The following IRGC variants were observed in gnomAD, a reference collection of about 807,000 sequenced individuals.
IRGC encodes the protein immunity related GTPase cinema.
A neutral mutation model predicts 16.1 loss-of-function variants in IRGC; 4 were observed. The ratio of observed to expected loss-of-function variants is 0.25; its 90% confidence interval spans 0.12 to 0.57. The LOEUF (loss-of-function observed/expected upper bound fraction) is 0.57, where lower values mean the gene tolerates loss of function less well. Ranked by LOEUF, IRGC falls within the 20% of genes least tolerant of loss-of-function variation. The probability of loss-of-function intolerance (pLI) is 0.92; values close to 1 mark genes in which losing one functional copy is unlikely to be tolerated. For synonymous variants in IRGC, 307 were observed against 299.5 expected, an observed-to-expected ratio of 1.03 and a Z score of -0.26; for missense variants, 570 against 643.9, an observed-to-expected ratio of 0.89 and a Z score of 1.24.
chr19:43,716,802 A>G (rs1968176427), intron 1 of IRGC, among the ~76,000 whole-genome samples: 1 of 152,082 alleles, frequency 6.6e-6, no homozygotes, highest in Admixed American at 6.6e-5. Context: ...TGGGTGAAGG[A>G]GCCTGGGGAC....
Position 43,719,836 on chromosome 19 carries a change from G to A in IRGC, c.1278G>A (p.Gly426=), listed in dbSNP as rs1233087142. Residue 426 remains glycine (G), a synonymous_variant, in exon 2 of 2, where the codon GGG becomes GGA. Transcript: ENST00000244314. ...CCAGTGACAATGGCGTGGAAAAGGG[G>A]GGCTCCGGGGAGGGAGGTGGGGAGG... ...EVASDNGVEK[G]GSGEGGGEEA... is the part of the protein sequence containing the mutation. The A allele has an allele frequency of 2.5e-6, 4 of 1,614,056 alleles. No individual in the cohort carries two copies. The highest frequency in any genetic ancestry group is 2.5e-6 in the Non-Finnish European group (3 of 1,180,002).
Position 43,719,966 on chromosome 19 carries a change from C to T in IRGC, c.*16C>T, listed in dbSNP as rs770279903. On this transcript the variant is annotated 3_prime_UTR_variant, in exon 2 of 2. Transcript: ENST00000244314. ...AGAGAAATAAAGAGTGCAGCCCCGCCCCCCTGCCTCACCCACAAACTAAGT... is the reference window on the plus strand; with the variant it reads ...AGAGAAATAAAGAGTGCAGCCCCGCTCCCCTGCCTCACCCACAAACTAAGT... 1 of 1,611,088 alleles carries T rather than the reference C, an allele frequency of 6.2e-7. No individual in the cohort carries two copies. The highest frequency in any genetic ancestry group is 8.5e-7 in the Non-Finnish European group (1 of 1,179,476).
Position 43,719,926 on chromosome 19 carries a change from GA to G in IRGC, c.1371del (p.Lys457AsnfsTer23). ...LLKYILDSWK[K>X]HDSEEK Reference sequence around the variant, plus strand: ...TTAAGTACATTCTGGACAGCTGGAAGAAACACGACTCAGAAGAGAAATAAAG... The same window carrying G: ...TTAAGTACATTCTGGACAGCTGGAAGAACACGACTCAGAAGAGAAATAAAG... On this transcript the variant is annotated frameshift_variant, in exon 2 of 2. Transcript: ENST00000244314. LOFTEE classifies it high-confidence loss of function. 3 of 1,612,230 alleles carry G rather than the reference GA, an allele frequency of 1.9e-6. No individual in the cohort carries two copies. The highest frequency in any genetic ancestry group is 2.5e-6 in the Non-Finnish European group (3 of 1,179,534).
Position 43,719,107 on chromosome 19 carries a change from G to C in IRGC, c.549G>C (p.Ser183=), listed in dbSNP as rs375857702. 2.9e-5 allele frequency: 47 copies of C among 1,609,606 alleles called. 1 individual carries two copies. In the African/African-American group the frequency reaches 5.5e-4, roughly 19 times the overall value. ...CGGCCACGCGCACCCAGCGGCCGTCGGGCTTCAGAGAGGCCGCTGTCCTGC... is the reference window on the plus strand; with the variant it reads ...CGGCCACGCGCACCCAGCGGCCGTCCGGCTTCAGAGAGGCCGCTGTCCTGC... ...DLAATRTQRP[S]GFREAAVLQE... The change falls in exon 2 of 2, where the codon TCG becomes TCC. Residue 183 remains serine (S), a synonymous_variant. Coordinates refer to ENST00000244314, the MANE Select transcript of IRGC (RefSeq NM_019612.4).
At chr19:43,718,313 G>C in intron 1 of IRGC, 180 bp from the exon 2 acceptor site, 1 of 586,634 alleles carries the variant, frequency 1.7e-6, no homozygotes, top group South Asian at 4.1e-5. Context: ...AAAGGGATGT[G>C]AACCTGGGCC....
rs141857999 is a variant in IRGC at position 43,719,632 on chromosome 19, C to T, written c.1074C>T (p.Ala358=). The T allele has an allele frequency of 7.5e-6, 12 of 1,605,392 alleles. No individual in the cohort carries two copies. The highest frequency in any genetic ancestry group is 8.5e-6 in the Non-Finnish European group (10 of 1,179,938). Residue 358 remains alanine (A), a synonymous_variant, in exon 2 of 2, where the codon GCC becomes GCT. Transcript: ENST00000244314. ...SQSSDGAMRV[A]RAFERGIPVF... is the part of the protein sequence containing the mutation. ...CGTCCGACGGCGCCATGCGGGTGGC[C>T]CGCGCCTTTGAGAGGGGCATCCCTG...
In IRGC at chr19:43,718,542, C is replaced by G. The variant is rs1968207147; in HGVS notation, c.-17C>G. 1.3e-6 allele frequency: 2 copies of G among 1,551,790 alleles called. No individual in the cohort carries two copies. Among genetic ancestry groups the G allele is most frequent in the Admixed American group, 1.9e-5 (1 of 53,014 alleles). ...ACTCTCCCCTGTCCCCCGCCACCCT[C>G]TGAACCACTGGCCACCATGGCTACT... On this transcript the variant is annotated 5_prime_UTR_variant, in exon 2 of 2. Transcript: ENST00000244314.
At chr19:43,716,676 G>C (rs551928486) in intron 1 of IRGC, among the ~76,000 whole-genome samples, 1 of 152,186 alleles carries the variant, frequency 6.6e-6, no homozygotes, top group Non-Finnish European at 1.5e-5. Context: ...GTGGGGGGTG[G>C]AGTGGGGTAG....
chr19:43,719,804 G>C lies in IRGC; in HGVS notation c.1246G>C (p.Glu416Gln), dbSNP rs759219319. Residue 416 changes from glutamate (E) to glutamine (Q), a missense_variant, in exon 2 of 2, where the codon GAA becomes CAA. By Grantham distance (29) the Glu-to-Gln change is conservative. Coordinates refer to ENST00000244314, the MANE Select transcript of IRGC (RefSeq NM_019612.4). ...CGAGCCGCAGCCGGAGGTCAGCTTG[G>C]AAGTGGCCAGTGACAATGGCGTGGA... ...DDEPQPEVSL[E>Q]VASDNGVEKG... The C allele has an allele frequency of 1.9e-5, 31 of 1,613,940 alleles. No homozygotes were observed. The highest frequency in any genetic ancestry group is 2.5e-5 in the Non-Finnish European group (29 of 1,179,986).
rs140749862 is a variant in IRGC, at chr19:43,719,123, G to T, written c.565G>T (p.Ala189Ser). ...GCGGCCGTCGGGCTTCAGAGAGGCC[G>T]CTGTCCTGCAGGAGATCCGAGACCA... ...TQRPSGFREA[A>S]VLQEIRDHCA... Residue 189 changes from alanine (A) to serine (S), a missense_variant, in exon 2 of 2, where the codon GCT becomes TCT. Transcript: ENST00000244314. 12 of 1,610,348 alleles carry T rather than the reference G, an allele frequency of 7.5e-6. No homozygotes were observed. The highest frequency in any genetic ancestry group is 9.3e-6 in the Non-Finnish European group (11 of 1,178,786).
intron 1 of IRGC, among the ~76,000 whole-genome samples, chr19:43,717,740 C>T (rs547693612): frequency 2.6e-5 from 4 of 152,256 alleles, no homozygotes; most frequent in Non-Finnish European, 4.4e-5. Flanking sequence ...AGGCCCAGTA[C>T]GAAATGAAAA....
At position 43,718,508 on chromosome 19, in the gene IRGC, C is replaced by T; in HGVS notation, c.-51C>T. The stretch of plus-strand genomic sequence containing the variant: ...TCCTCTGCAGGCGCTGAGGATCACG[C>T]ATCCTGTGACTCTCCCCTGTCCCCC... On this transcript the variant is annotated 5_prime_UTR_variant, in exon 2 of 2. Transcript: ENST00000244314. 1 of 1,518,694 alleles carries T rather than the reference C, an allele frequency of 6.6e-7. No individual in the cohort carries two copies. The highest frequency in any genetic ancestry group is 8.8e-7 in the Non-Finnish European group (1 of 1,135,060). 94.1% of individuals were successfully genotyped at this position (1,518,694 alleles called of 1,614,324 possible).
Position 43,719,256 on chromosome 19 carries a change from A to G in IRGC, c.698A>G (p.Glu233Gly). 1 of 1,609,138 alleles carries G rather than the reference A, an allele frequency of 6.2e-7. No individual in the cohort carries two copies. The highest frequency in any genetic ancestry group is 8.5e-7 in the Non-Finnish European group (1 of 1,177,858). Residue 233 changes from glutamate (E) to glycine (G), a missense_variant, in exon 2 of 2, where the codon GAG becomes GGG. Physicochemically the swap from Glu to Gly is moderately conservative, Grantham distance 98. Transcript: ENST00000244314. Reference sequence around the variant, plus strand: ...TTTCCCACGCTGGTGTCCACCTGGGAGCACGACCTGCCCTCCCACCGGCGC... The same window carrying G: ...TTTCCCACGCTGGTGTCCACCTGGGGGCACGACCTGCCCTCCCACCGGCGC... ...YDFPTLVSTWEHDLPSHRRHA... is the reference protein window; with the variant it reads ...YDFPTLVSTWGHDLPSHRRHA...
At position 43,719,836 on chromosome 19, in the gene IRGC, G is replaced by T. The variant is rs1233087142; in HGVS notation, c.1278G>T (p.Gly426=). 2 of 1,614,056 alleles carry T rather than the reference G, an allele frequency of 1.2e-6. No individual in the cohort carries two copies. Among genetic ancestry groups the T allele is most frequent in the Admixed American group, 1.7e-5 (1 of 60,002 alleles). The change falls in exon 2 of 2, where the codon GGG becomes GGT. Residue 426 remains glycine (G), a synonymous_variant. Transcript: ENST00000244314. ...EVASDNGVEK[G]GSGEGGGEEA... is the part of the protein sequence containing the mutation. ...CCAGTGACAATGGCGTGGAAAAGGG[G>T]GGCTCCGGGGAGGGAGGTGGGGAGG...
At position 43,719,795 on chromosome 19, in the gene IRGC, G is replaced by C; in HGVS notation, c.1237G>C (p.Val413Leu). The change falls in exon 2 of 2, where the codon GTC (valine) becomes CTC (leucine). Residue 413 changes from valine (V) to leucine (L), a missense_variant. Val to Leu is a conservative substitution (Grantham distance 32). Transcript: ENST00000244314. Reference protein sequence around the residue: ...ALEDDEPQPEVSLEVASDNGV... With the variant: ...ALEDDEPQPELSLEVASDNGV... ...GGAGGATGACGAGCCGCAGCCGGAG[G>C]TCAGCTTGGAAGTGGCCAGTGACAA... 1 of 1,614,064 alleles carries C rather than the reference G, an allele frequency of 6.2e-7. No homozygotes were observed. The highest frequency in any genetic ancestry group is 1.1e-5 in the South Asian group (1 of 91,072).
chr19:43,719,297 T>C lies in IRGC; in HGVS notation c.739T>C (p.Ser247Pro). Residue 247 changes from serine (S) to proline (P), a missense_variant, in exon 2 of 2, where the codon TCG becomes CCG. By Grantham distance (74) the Ser-to-Pro change is moderately conservative (BLOSUM62 -1). Coordinates refer to ENST00000244314, the MANE Select transcript of IRGC (RefSeq NM_019612.4). ...PSHRRHAGLLSLPDISLEALQ... is the reference protein window; with the variant it reads ...PSHRRHAGLLPLPDISLEALQ... ...CCACCGGCGCCACGCTGGCCTGCTGTCGCTCCCCGACATCTCGCTGGAGGC... is the reference window on the plus strand; with the variant it reads ...CCACCGGCGCCACGCTGGCCTGCTGCCGCTCCCCGACATCTCGCTGGAGGC... The C allele has an allele frequency of 6.2e-7, 1 of 1,609,442 alleles. No individual in the cohort carries two copies. Among genetic ancestry groups the C allele is most frequent in the Non-Finnish European group, 8.5e-7 (1 of 1,177,342 alleles).
intron 1 of IRGC, chr19:43,718,272 G>T (rs1000267095): frequency 1.1e-5 from 4 of 376,008 alleles, no homozygotes; most frequent in Non-Finnish European, 1.9e-5. Flanking sequence ...GCTTCATTTT[G>T]CCCCTGGTCA....
intron 1 of IRGC, among the ~76,000 whole-genome samples, chr19:43,716,763 T>C (rs1815093048): frequency 6.6e-6 from 1 of 151,806 alleles, no homozygotes; most frequent in African/African-American, 2.4e-5. Context: ...GGCAGGGACA[T>C]GCAGCTGAAG....
rs1432203232 is a variant in IRGC, at chr19:43,719,129, C to A, written c.571C>A (p.Leu191Met). 3 of 1,610,832 alleles carry A rather than the reference C, an allele frequency of 1.9e-6. No homozygotes were observed. Among genetic ancestry groups the A allele is most frequent in the Admixed American group, 3.3e-5 (2 of 59,940 alleles). ...GTCGGGCTTCAGAGAGGCCGCTGTC[C>A]TGCAGGAGATCCGAGACCACTGTGC... is the stretch of plus-strand genomic sequence containing the variant. Reference protein sequence around the residue: ...RPSGFREAAVLQEIRDHCAER... With the variant: ...RPSGFREAAVMQEIRDHCAER... The change falls in exon 2 of 2, where the codon CTG becomes ATG. Residue 191 changes from leucine to methionine, a missense_variant. Coordinates refer to ENST00000244314, the MANE Select transcript of IRGC (RefSeq NM_019612.4).
Sources: allele counts gnomAD v4.1 joint callset (sites outside exome capture counted in the v4.1 genomes callset), GRCh38; gene constraint gnomAD v4.1.1; transcripts MANE v1.5; gene names NCBI Gene and HGNC (gene_info 2026-07-23, HGNC 2026-07-21).